PNLDC1: variants seen among roughly 807,000 people sequenced by gnomAD.
PNLDC1 encodes the protein PARN like ribonuclease domain containing exonuclease 1, also known as poly(A)-specific ribonuclease PNLDC1.
PNLDC1 carries 70 observed loss-of-function variants against 82.0 expected under a neutral mutation model. That is an observed-to-expected ratio of 0.85 (90% CI 0.70 to 1.04). The LOEUF is 1.04. Ranked by LOEUF, PNLDC1 falls within the 50% of genes least tolerant of loss-of-function variation. PNLDC1 has a pLI of 0.00. For synonymous variants in PNLDC1, 280 were observed against 249.3 expected (o/e 1.12, Z -1.16); for missense variants, 631 against 661.1 (o/e 0.95, Z 0.50).
chr6:159,801,047 C>G, intron 2 of PNLDC1, 66 bp from the exon 3 acceptor site: 1 of 1,556,602 alleles, frequency 6.4e-7, no homozygotes. Context: ...GTGGTCCTGC[C>G]GCGGAGGCCA....
intron 3 of PNLDC1, among the ~76,000 whole-genome samples, chr6:159,802,920 CT>C (rs1781315886): frequency 6.6e-6 from 1 of 151,016 alleles, no homozygotes; most frequent in Non-Finnish European, 1.5e-5. Context: ...ATATGGTTTT[CT>C]TTGAGGGGGG....
At chr6:159,817,179 G>T (rs757084704) in intron 15 of PNLDC1, 28 bp downstream of exon 15, 2 of 1,594,822 alleles carry the variant, frequency 1.3e-6, no homozygotes, top group African/African-American at 2.7e-5. Context: ...TCATCCTACT[G>T]TTCAATCGGT....
At chr6:159,814,952 A>G (rs141122425) in intron 12 of PNLDC1, among the ~76,000 whole-genome samples, 278 of 152,316 alleles carry the variant, frequency 1.8e-3, no homozygotes, top group African/African-American at 5.9e-3. Context: ...TGGCACACCC[A>G]CGACGACGAC....
intron 3 of PNLDC1, 69 bp downstream of exon 3, chr6:159,801,255 A>G: frequency 7.2e-7 from 1 of 1,397,540 alleles, no homozygotes; most frequent in Non-Finnish European, 1.0e-6. Flanking sequence ...TTCCTACTGT[A>G]AAAACAGCTC....
Position 159,803,971 on chromosome 6 carries a change from A to G in PNLDC1, c.255A>G (p.Ile85Met), listed in dbSNP as rs142182527. The change falls in exon 5 of 19, where the codon ATA becomes ATG. Residue 85 changes from isoleucine (I) to methionine (M), a missense_variant. Transcript: ENST00000392167. ...TATGTTTGTTTTATTATAGGTATAT[A>G]GCCCATTCTTGTAACTTCTATCTCT... ...SAIEGEANKY[I>M]AHSCNFYLFP... 6.6e-5 allele frequency: 107 copies of G among 1,613,446 alleles called. No homozygotes were observed. The highest frequency in any genetic ancestry group is 8.7e-5 in the Non-Finnish European group (103 of 1,179,664).
At chr6:159,800,237 C>G, upstream of PNLDC1, 1 of 1,442,522 alleles carries the variant, frequency 6.9e-7, no homozygotes, top group Non-Finnish European at 9.4e-7. Context: ...CCCGGCGGCG[C>G]GACGGAAGCG....
intron 11 of PNLDC1, 128 bp downstream of exon 11, chr6:159,811,914 G>GT (rs1355662441): frequency 1.5e-6 from 1 of 653,408 alleles, no homozygotes; most frequent in Non-Finnish European, 2.5e-6. Flanking sequence ...GTTTTGTTTT[G>GT]TTTGAGAGGG....
In PNLDC1 at chr6:159,819,205, G is replaced by A; in HGVS notation, c.1434-49G>A. On this transcript the variant is annotated intron_variant, in intron 17 of 18. Coordinates refer to ENST00000392167, the MANE Select transcript of PNLDC1 (RefSeq NM_001271862.2). This position sits in a 1 kb window ranked among gnomAD's most constrained non-coding sequence, Gnocchi z 4.6. ...GACTCCACCCGCCTGATCACAGCAG[G>A]CGGCGCCATCCTGCTGCCTGGCTGA... The A allele has an allele frequency of 6.2e-7, 1 of 1,611,846 alleles. No homozygotes were observed. The highest frequency in any genetic ancestry group is 8.5e-7 in the Non-Finnish European group (1 of 1,178,694).
chr6:159,810,327 C>A (rs1027321356), intron 10 of PNLDC1, among the ~76,000 whole-genome samples: 1 of 152,160 alleles, frequency 6.6e-6, no homozygotes, highest in African/African-American at 2.4e-5. Flanking sequence ...TGAATTGATA[C>A]CCCTCTCCCC....
At chr6:159,804,918 CAAAGAAA>C (rs1781394298) in intron 6 of PNLDC1, among the ~76,000 whole-genome samples, 1 of 152,198 alleles carries the variant, frequency 6.6e-6, no homozygotes, top group Non-Finnish European at 1.5e-5. Flanking sequence ...ATTTGGAACT[CAAAGAAA>C]CAAGAATTCC....
At chr6:159,802,594 G>T (rs933615627) in intron 3 of PNLDC1, among the ~76,000 whole-genome samples, 1 of 151,498 alleles carries the variant, frequency 6.6e-6, no homozygotes, top group East Asian at 1.9e-4. Flanking sequence ...TGTTTGGGGG[G>T]AAGGGGGACA....
intron 6 of PNLDC1, 42 bp downstream of exon 6, chr6:159,804,679 C>T (rs1781384079): frequency 6.9e-7 from 1 of 1,444,914 alleles, no homozygotes; most frequent in Non-Finnish European, 9.7e-7. Flanking sequence ...TTCCTTGTTG[C>T]TGTTGTCTGC....
chr6:159,814,947 C>T (rs534261529), intron 12 of PNLDC1, among the ~76,000 whole-genome samples: 4 of 152,190 alleles, frequency 2.6e-5, no homozygotes, highest in Admixed American at 6.5e-5. Flanking sequence ...GCTCATGGCA[C>T]ACCCACGACG....
Position 159,803,254 on chromosome 6 carries a change from T to C in PNLDC1, c.209-17T>C. The C allele has an allele frequency of 6.2e-7, 1 of 1,613,892 alleles. No homozygotes were observed. Among genetic ancestry groups the C allele is most frequent in the Non-Finnish European group, 8.5e-7 (1 of 1,179,750 alleles). ...GCTTTTCCTTGGCATTCATTCCCTC[T>C]ACGGTCATTCTTCCAGGATTGTCTG... On this transcript the variant is annotated splice_polypyrimidine_tract_variant and intron_variant, in intron 3 of 18. Coordinates refer to ENST00000392167, the MANE Select transcript of PNLDC1 (RefSeq NM_001271862.2).
chr6:159,809,629 C>T (rs1289465795), intron 9 of PNLDC1, among the ~76,000 whole-genome samples: 1 of 152,004 alleles, frequency 6.6e-6, no homozygotes, highest in Admixed American at 6.6e-5. Flanking sequence ...CTGGATCTAA[C>T]CTTGCTTTCA....
At chr6:159,801,674 G>T (rs985664714) in intron 3 of PNLDC1, among the ~76,000 whole-genome samples, 3 of 151,302 alleles carry the variant, frequency 2.0e-5, no homozygotes, top group Non-Finnish European at 4.4e-5. Context: ...TTGACTTCCT[G>T]GGCTCGAGCA....
intron 10 of PNLDC1, 51 bp downstream of exon 10, chr6:159,810,146 C>CAAACT: frequency 1.3e-6 from 2 of 1,519,882 alleles, no homozygotes; most frequent in Non-Finnish European, 1.8e-6. Flanking sequence ...TGCCATCTGG[C>CAAACT]AGAGGGATTG....
chr6:159,811,795 T>C lies in PNLDC1; in HGVS notation c.939+9T>C, dbSNP rs771807561. 3.1e-6 allele frequency: 5 copies of C among 1,592,796 alleles called. No individual in the cohort carries two copies. The South Asian group carries it at 5.5e-5, about 18-fold the overall frequency. On this transcript the variant is annotated intron_variant, in intron 11 of 18. Coordinates refer to ENST00000392167, the MANE Select transcript of PNLDC1 (RefSeq NM_001271862.2). The stretch of plus-strand genomic sequence containing the variant: ...CAAAGGATATCTGGAAGGTAATGAA[T>C]AGAACTGCTTTGGGTTAAGAACTGC...
chr6:159,812,613 A>G (rs1781681681), intron 11 of PNLDC1, among the ~76,000 whole-genome samples: 1 of 152,056 alleles, frequency 6.6e-6, no homozygotes, highest in Non-Finnish European at 1.5e-5. Flanking sequence ...TGTCTGACCT[A>G]GAGTGGGGCC....
Sources: gnomAD v4.1 joint callset for allele counts (sites outside exome capture counted in the v4.1 genomes callset) on GRCh38, gnomAD v4.1.1 for gene constraint, Gnocchi (gnomAD v3.1) non-coding constraint, MANE v1.5 for transcripts, NCBI Gene and HGNC (gene_info 2026-07-23, HGNC 2026-07-21) for gene names.